The following ADGRB3 variants were observed in gnomAD, a reference collection of about 807,000 sequenced individuals.
ADGRB3 encodes the protein brain-specific angiogenesis inhibitor 3.
In ADGRB3, 37 loss-of-function variants were observed where a neutral mutation model predicts 193.4. The observed-to-expected ratio is 0.19, with a 90% CI of 0.15 to 0.25. The LOEUF (loss-of-function observed/expected upper bound fraction) is 0.25. Ranked by LOEUF, ADGRB3 falls within the 10% of genes least tolerant of loss-of-function variation. ADGRB3 has a pLI of 1.00. For synonymous variants in ADGRB3, 690 were observed against 644.2 expected (o/e 1.07, Z -1.08); for missense variants, 1,637 against 1,852.9 (o/e 0.88, Z 2.14).
intron 11 of ADGRB3, among the ~76,000 whole-genome samples, chr6:68,999,976 C>T (rs1769517743): frequency 6.6e-6 from 1 of 151,174 alleles, no homozygotes; most frequent in South Asian, 2.1e-4. Flanking sequence ...AAAAAAAATA[C>T]TTGTTCATTT....
At chr6:68,724,065 G>T (rs1056300567) in intron 3 of ADGRB3, among the ~76,000 whole-genome samples, 17 of 151,138 alleles carry the variant, frequency 1.1e-4, no homozygotes, top group Admixed American at 9.9e-4. Flanking sequence ...TAGCATGACC[G>T]CAGGGTCTCT....
chr6:69,022,331 A>G (rs1173227310), intron 13 of ADGRB3, among the ~76,000 whole-genome samples: 1 of 151,880 alleles, frequency 6.6e-6, no homozygotes, highest in Non-Finnish European at 1.5e-5. Flanking sequence ...ATGTATTAGT[A>G]TCAATTAGGT....
chr6:69,289,552 C>A (rs938803203), intron 20 of ADGRB3, among the ~76,000 whole-genome samples: 8 of 152,164 alleles, frequency 5.3e-5, no homozygotes, highest in African/African-American at 1.4e-4. Flanking sequence ...CTCCAGCCCA[C>A]TAGTTACATG....
At chr6:69,297,399 T>A (rs555281763) in intron 20 of ADGRB3, among the ~76,000 whole-genome samples, 1 of 145,148 alleles carries the variant, frequency 6.9e-6, no homozygotes, top group African/African-American at 2.6e-5. Flanking sequence ...TCTATCTCTC[T>A]CTCTCTCTCT....
rs146948293 is a variant in ADGRB3 at position 69,138,691 on chromosome 6, G to C, written c.2480+62653G>C. ...TTTCTTTCCTGAATTTTAAATTAAT[G>C]AGATTTACAATATTAAGTTTATAAA... On this transcript the variant is annotated intron_variant, in intron 17 of 31. Transcript: ENST00000370598. Among the ~76,000 whole-genome samples the C allele has an allele frequency of 2.2e-3, 333 of 152,136 alleles. 4 individuals carry two copies. The highest frequency in any genetic ancestry group is 7.9e-3 in the African/African-American group (326 of 41,500).
chr6:68,853,422 G>C (rs1768445179), intron 3 of ADGRB3, among the ~76,000 whole-genome samples: 1 of 151,880 alleles, frequency 6.6e-6, no homozygotes, highest in Admixed American at 6.6e-5. Flanking sequence ...ATTTAATAAT[G>C]CTTTTCATCC....
intron 30 of ADGRB3, among the ~76,000 whole-genome samples, chr6:69,373,504 C>T (rs574798588): frequency 1.3e-5 from 2 of 151,998 alleles, no homozygotes; most frequent in East Asian, 1.9e-4. Context: ...CTTTTATCTA[C>T]GATTAAATAG....
chr6:68,865,217 C>T (rs971617169), intron 3 of ADGRB3, among the ~76,000 whole-genome samples: 1 of 148,940 alleles, frequency 6.7e-6, no homozygotes, highest in African/African-American at 2.4e-5. Context: ...TCTCCTATCC[C>T]CCATTAATAT....
intron 23 of ADGRB3, 98 bp downstream of exon 23, chr6:69,330,670 G>T: frequency 1.0e-6 from 1 of 990,526 alleles, no homozygotes; most frequent in Non-Finnish European, 1.4e-6. Context: ...TAGTTCTTGT[G>T]TAGAAATTTT....
chr6:68,743,811 A>G (rs550140827), intron 3 of ADGRB3, among the ~76,000 whole-genome samples: 10 of 152,234 alleles, frequency 6.6e-5, no homozygotes, highest in East Asian at 1.9e-4. Flanking sequence ...ATTCTGTTAT[A>G]TTGTTAATTT....
intron 15 of ADGRB3, among the ~76,000 whole-genome samples, chr6:69,050,219 T>G (rs1314648029): frequency 6.6e-6 from 1 of 151,314 alleles, no homozygotes; most frequent in African/African-American, 2.4e-5. Context: ...TAGAGTTCAG[T>G]GCAGATGAAA....
chr6:68,661,964 C>A (rs1433759288), intron 3 of ADGRB3, among the ~76,000 whole-genome samples: 1 of 151,188 alleles, frequency 6.6e-6, no homozygotes, highest in African/African-American at 2.4e-5. Context: ...TTTAAAGTGA[C>A]AAGGGATCAT....
At position 69,233,293 on chromosome 6, in the gene ADGRB3, C is replaced by A; in HGVS notation, c.2484C>A (p.Asn828Lys). The change falls in exon 18 of 32, where the codon AAC becomes AAA. Residue 828 changes from asparagine (N) to lysine (K), a missense_variant. By Grantham distance (94) the Asn-to-Lys change is moderately conservative. Around this residue, in one of 7 missense-constraint regions of ADGRB3, gnomAD observed 641 missense variants for 673.9 expected, o/e 0.95. Coordinates refer to ENST00000370598, the MANE Select transcript of ADGRB3 (RefSeq NM_001704.3). ...YCVLWDDSKT[N>K]ESLGTWSTQG... Reference sequence around the variant, plus strand: ...CCCCCCTCACTCCCCTTTGCAGGAACGAGTCTTTGGGAACGTGGTCCACCC... The same window carrying A: ...CCCCCCTCACTCCCCTTTGCAGGAAAGAGTCTTTGGGAACGTGGTCCACCC... 1 of 1,613,480 alleles carries A rather than the reference C, an allele frequency of 6.2e-7. No individual in the cohort carries two copies. The highest frequency in any genetic ancestry group is 8.5e-7 in the Non-Finnish European group (1 of 1,179,758).
chr6:69,075,183 T>TA (rs2150312338), intron 16 of ADGRB3, among the ~76,000 whole-genome samples: 1 of 152,298 alleles, frequency 6.6e-6, no homozygotes, highest in East Asian at 1.9e-4. Flanking sequence ...AAATACACTT[T>TA]AAAAGTGTAT....
chr6:69,362,374 TTGCCTGC>T (rs1420324516), intron 29 of ADGRB3, among the ~76,000 whole-genome samples: 1 of 151,974 alleles, frequency 6.6e-6, no homozygotes, highest in Non-Finnish European at 1.5e-5. Flanking sequence ...CTATAATTAG[TTGCCTGC>T]CCTTTCCAAC....
At chr6:69,217,812 G>A (rs570574414) in intron 17 of ADGRB3, among the ~76,000 whole-genome samples, 10 of 152,252 alleles carry the variant, frequency 6.6e-5, no homozygotes, top group African/African-American at 1.4e-4. Flanking sequence ...CCTCCCTGAC[G>A]TAGATCTGAG....
chr6:68,885,014 T>C (rs544355743), intron 3 of ADGRB3, among the ~76,000 whole-genome samples: 1 of 152,180 alleles, frequency 6.6e-6, no homozygotes, highest in African/African-American at 2.4e-5. Flanking sequence ...AAGTTAATCA[T>C]AAAATATTTA....
chr6:68,957,608 C>A (rs1235437206), intron 8 of ADGRB3, among the ~76,000 whole-genome samples: 3 of 152,154 alleles, frequency 2.0e-5, no homozygotes, highest in Admixed American at 6.5e-5. Context: ...ACTCTGTGAG[C>A]AAGCTGACTG....
intron 20 of ADGRB3, among the ~76,000 whole-genome samples, chr6:69,259,952 A>G (rs1766887137): frequency 1.3e-5 from 2 of 152,302 alleles, no homozygotes; most frequent in African/African-American, 4.8e-5. Context: ...AAGTTAGCCA[A>G]AAATTTTTAA....
Sources: gnomAD v4.1 joint callset for allele counts (sites outside exome capture counted in the v4.1 genomes callset) on GRCh38, gnomAD v4.1.1 for gene constraint, gnomAD v4.1.1 regional missense constraint, MANE v1.5 for transcripts, NCBI Gene and HGNC (gene_info 2026-07-23, HGNC 2026-07-21) for gene names.